Variants in MGAT4C observed in about 807,000 individuals in gnomAD.
The protein encoded by MGAT4C is alpha-1,3-mannosyl-glycoprotein 4-beta-N-acetylglucosaminyltransferase C.
Under a neutral mutation model 40.1 loss-of-function variants are expected in MGAT4C, and 19 were observed. That is an observed-to-expected ratio of 0.47 (90% CI 0.33 to 0.70). The LOEUF (loss-of-function observed/expected upper bound fraction) is 0.70. MGAT4C is among the 30% of genes least tolerant of loss of function. The probability of loss-of-function intolerance (pLI) is 0.02; values close to 1 mark genes in which losing one functional copy is unlikely to be tolerated. For missense variants in MGAT4C, 491 were observed against 563.2 expected, an observed-to-expected ratio of 0.87 and a Z score of 1.30; for synonymous variants, 181 against 187.1, an observed-to-expected ratio of 0.97 and a Z score of 0.27.
chr12:85,997,929 C>T (rs1886811581), intron 2 of MGAT4C, among the ~76,000 whole-genome samples: 1 of 152,232 alleles, frequency 6.6e-6, no homozygotes, highest in South Asian at 2.1e-4. Flanking sequence ...AGTAGGGACT[C>T]AGTGTGGGGG....
intron 2 of MGAT4C, among the ~76,000 whole-genome samples, chr12:86,661,813 C>T (rs1408363174): frequency 6.6e-6 from 1 of 151,994 alleles, no homozygotes; most frequent in East Asian, 1.9e-4. Flanking sequence ...GTGGTGTGTG[C>T]CTGTAGTTCC....
intron 2 of MGAT4C, among the ~76,000 whole-genome samples, chr12:86,634,255 G>A (rs1963149082): frequency 1.3e-5 from 2 of 152,070 alleles, no homozygotes; most frequent in Admixed American, 6.6e-5. Flanking sequence ...TCTGCCAGGT[G>A]TTACCTGGAT....
rs987927561 is a variant in MGAT4C, at chr12:86,061,578, T to G, written c.-56-11855A>C. On this transcript the variant is annotated intron_variant, in intron 1 of 4. Transcript: ENST00000611864. ...AGTCAGGGAGCCAAGTGGACTGGCTTAGCAGGTCTCACCCCCATGGAGCCC... is the reference window on the plus strand; with the variant it reads ...AGTCAGGGAGCCAAGTGGACTGGCTGAGCAGGTCTCACCCCCATGGAGCCC... Among the ~76,000 whole-genome samples the G allele has an allele frequency of 3.3e-5, 5 of 152,138 alleles. No homozygotes were observed. In the East Asian group the frequency reaches 9.7e-4, roughly 30 times the overall value.
chr12:85,998,119 G>C (rs1293190358), intron 2 of MGAT4C, among the ~76,000 whole-genome samples: 1 of 152,180 alleles, frequency 6.6e-6, no homozygotes, highest in South Asian at 2.1e-4. Flanking sequence ...ATACCATATG[G>C]AAGCTGCCAA....
intron 1 of MGAT4C, among the ~76,000 whole-genome samples, chr12:86,206,368 GA>G (rs1950253690): frequency 6.6e-6 from 1 of 152,110 alleles, no homozygotes; most frequent in Non-Finnish European, 1.5e-5. Context: ...AGACATTTTT[GA>G]ACCAAAGTTT....
chr12:86,745,993 C>T lies in MGAT4C; in HGVS notation c.-261-18752G>A, dbSNP rs534827902. ...TCTCTGAAGTGGTGTTTGCTCCAGC[C>T]TCAGTGAGGACTATTACTGGAGTTT... On this transcript the variant is annotated intron_variant, in intron 1 of 7. Coordinates refer to the MGAT4C transcript ENST00000548651. Among the ~76,000 whole-genome samples the T allele has an allele frequency of 2.6e-5, 4 of 151,762 alleles. 1 individual carries two copies. The South Asian group carries it at 8.3e-4, about 31-fold the overall frequency.
At chr12:86,115,478 A>G (rs1878258615) in intron 1 of MGAT4C, among the ~76,000 whole-genome samples, 1 of 152,078 alleles carries the variant, frequency 6.6e-6, no homozygotes, top group South Asian at 2.1e-4. Flanking sequence ...GACTAGAAGA[A>G]TAGTATTTTC....
chr12:86,040,710 A>C (rs1592755452), intron 2 of MGAT4C, among the ~76,000 whole-genome samples: 1 of 147,600 alleles, frequency 6.8e-6, no homozygotes, highest in Non-Finnish European at 1.5e-5. Context: ...CCACTGGGGT[A>C]TGGAGAAAAA....
At chr12:86,233,485 T>C (rs369297965) in intron 1 of MGAT4C, among the ~76,000 whole-genome samples, 26 of 152,190 alleles carry the variant, frequency 1.7e-4, no homozygotes, top group African/African-American at 6.3e-4. Flanking sequence ...TTTCAAGGAG[T>C]AGAAACTTTG....
chr12:86,251,861 C>A (rs1952297150), intron 1 of MGAT4C, among the ~76,000 whole-genome samples: 2 of 152,010 alleles, frequency 1.3e-5, no homozygotes, highest in South Asian at 4.1e-4. Flanking sequence ...AGACCAGTAT[C>A]AAACACTGAA....
At chr12:86,577,206 T>C (rs945673738) in intron 2 of MGAT4C, among the ~76,000 whole-genome samples, 2 of 151,902 alleles carry the variant, frequency 1.3e-5, no homozygotes, top group African/African-American at 4.8e-5. Flanking sequence ...AGTTTTCTTG[T>C]GTAGTCTTTA....
intron 1 of MGAT4C, among the ~76,000 whole-genome samples, chr12:86,097,805 A>G (rs1430602077): frequency 1.3e-5 from 2 of 151,610 alleles, no homozygotes; most frequent in African/African-American, 4.8e-5. Flanking sequence ...GGAAAGCCCC[A>G]CGTACCTATT....
At chr12:86,294,783 A>G (rs1592659595) in intron 4 of MGAT4C, among the ~76,000 whole-genome samples, 1 of 152,120 alleles carries the variant, frequency 6.6e-6, no homozygotes, top group African/African-American at 2.4e-5. Context: ...ATTTTGCAAT[A>G]ATAGTATTTA....
intron 1 of MGAT4C, among the ~76,000 whole-genome samples, chr12:86,222,731 T>C (rs1020644368): frequency 2.0e-5 from 3 of 152,218 alleles, no homozygotes; most frequent in African/African-American, 7.2e-5. Context: ...CTAAAATCTA[T>C]ACATATCACA....
chr12:86,135,745 G>A (rs1310905507), intron 1 of MGAT4C, among the ~76,000 whole-genome samples: 1 of 152,110 alleles, frequency 6.6e-6, no homozygotes, highest in African/African-American at 2.4e-5. Context: ...CATCATCTTT[G>A]ATTTAGCAGC....
intron 4 of MGAT4C, among the ~76,000 whole-genome samples, chr12:86,321,665 C>T (rs972850868): frequency 1.3e-5 from 2 of 151,996 alleles, no homozygotes; most frequent in Admixed American, 6.6e-5. Context: ...AAATCAGAGA[C>T]CTGTGAGATA....
intron 3 of MGAT4C, among the ~76,000 whole-genome samples, chr12:85,988,994 C>G (rs1885573473): frequency 6.6e-6 from 1 of 151,854 alleles, no homozygotes; most frequent in African/African-American, 2.4e-5. Flanking sequence ...GTTAATTAGA[C>G]AATGGAATTT....
chr12:86,282,243 G>A (rs1953235843), intron 4 of MGAT4C, among the ~76,000 whole-genome samples: 1 of 151,964 alleles, frequency 6.6e-6, no homozygotes, highest in Non-Finnish European at 1.5e-5. Context: ...AGGTCCCTGT[G>A]GCACGCTTAT....
chr12:86,743,914 G>C (rs1951112741), intron 1 of MGAT4C, among the ~76,000 whole-genome samples: 2 of 151,530 alleles, frequency 1.3e-5, no homozygotes, highest in South Asian at 4.1e-4. Flanking sequence ...GTATCAGCAG[G>C]AAAAAGTGGC....
Sources: allele counts gnomAD v4.1 joint callset (sites outside exome capture counted in the v4.1 genomes callset), GRCh38; gene constraint gnomAD v4.1.1; transcripts MANE v1.5; gene names NCBI Gene and HGNC (gene_info 2026-07-23, HGNC 2026-07-21).